Variants in RAF1 observed in about 807,000 individuals in gnomAD.
RAF1 encodes the protein Raf-1 proto-oncogene, serine/threonine kinase.
In RAF1, 27 loss-of-function variants were observed where a neutral mutation model predicts 81.1. That is an observed-to-expected ratio of 0.33 (90% CI 0.25 to 0.46). RAF1 has a LOEUF of 0.46. Among genes scored for constraint, RAF1 ranks in the 20% least tolerant of loss-of-function variants. The probability of loss-of-function intolerance (pLI) is 1.00; values close to 1 mark genes in which losing one functional copy is unlikely to be tolerated. For missense variants in RAF1, 598 were observed against 826.0 expected (o/e 0.72, Z 3.38); for synonymous variants, 298 against 294.0 (o/e 1.01, Z -0.14).
rs114919961 is a variant in RAF1, at chr3:12,637,370, C to T, written c.-26-18623G>A. 7.3e-4 allele frequency among the ~76,000 whole-genome samples: 109 copies of T among 149,828 alleles called. 1 individual carries two copies. Among genetic ancestry groups the T allele is most frequent in the African/African-American group, 2.5e-3 (100 of 40,614 alleles). On this transcript the variant is annotated intron_variant, in intron 1 of 17. Transcript: ENST00000442415. ...ACATTTTTTTTTTGAGACGGAGTTTCGCTCTTTTGCCCAGCCTCCCCAGTA... is the reference window on the plus strand; with the variant it reads ...ACATTTTTTTTTTGAGACGGAGTTTTGCTCTTTTGCCCAGCCTCCCCAGTA...
chr3:12,642,399 GT>G (rs1310386364), intron 1 of RAF1, among the ~76,000 whole-genome samples: 2 of 149,774 alleles, frequency 1.3e-5, no homozygotes, highest in Non-Finnish European at 3.0e-5. Flanking sequence ...ATCCCAGCTA[GT>G]CGGGAGGCTG....
chr3:12,598,330 A>G (rs1559417563), intron 11 of RAF1, among the ~76,000 whole-genome samples: 2 of 152,176 alleles, frequency 1.3e-5, no homozygotes, highest in Non-Finnish European at 2.9e-5. Flanking sequence ...TTTCAAAGGA[A>G]AAGGAATCAT....
intron 1 of RAF1, among the ~76,000 whole-genome samples, chr3:12,620,058 G>T (rs940051063): frequency 3.3e-5 from 5 of 152,088 alleles, no homozygotes; most frequent in African/African-American, 1.2e-4. Context: ...CTCCAGCCTG[G>T]GGGACAGAGC....
At chr3:12,650,145 CAAAAAAAAAAAAA>C (rs36098034) in intron 1 of RAF1, among the ~76,000 whole-genome samples, 25,342 of 77,938 alleles carry the variant, frequency 0.33, 2,656 homozygotes, top group African/African-American at 0.4. Context: ...GACTCCATCT[CAAAAAAAAAAAAA>C]AAAAAAAAAA....
chr3:12,588,132 T>A (rs1221841149), intron 13 of RAF1: 3 of 152,560 alleles, frequency 2.0e-5, no homozygotes, highest in African/African-American at 7.2e-5. Flanking sequence ...CAAGCATCAG[T>A]TTTACTCTAA....
chr3:12,638,009 C>T (rs1397932141), intron 1 of RAF1, among the ~76,000 whole-genome samples: 1 of 152,164 alleles, frequency 6.6e-6, no homozygotes, highest in Admixed American at 6.5e-5. Flanking sequence ...CCCCTGACCA[C>T]CCTGGTTCAA....
intron 1 of RAF1, among the ~76,000 whole-genome samples, chr3:12,662,357 A>T (rs866101399): frequency 2.1e-5 from 1 of 48,140 alleles, no homozygotes; most frequent in Non-Finnish European, 4.7e-5. Context: ...AAAAAAAAAA[A>T]AAAAAAAAAA....
intron 1 of RAF1, among the ~76,000 whole-genome samples, chr3:12,651,327 A>T (rs1440034922): frequency 2.0e-5 from 3 of 152,186 alleles, no homozygotes; most frequent in African/African-American, 7.2e-5. Context: ...TCTTTTCCCA[A>T]TAATTTTTTA....
chr3:12,586,441 A>C (rs1366158666), intron 14 of RAF1, among the ~76,000 whole-genome samples: 4 of 152,226 alleles, frequency 2.6e-5, no homozygotes. Flanking sequence ...TAAAAAACAA[A>C]ACACACACAA....
chr3:12,614,581 ACTTCTAG>A (rs1388459878), intron 2 of RAF1, among the ~76,000 whole-genome samples: 1 of 146,748 alleles, frequency 6.8e-6, no homozygotes, highest in Admixed American at 6.8e-5. Context: ...GGGCAGCACC[ACTTCTAG>A]CTAATGTTTT....
rs1227312557 is a variant in RAF1, at chr3:12,609,358, A to T, written c.321-23T>A. On this transcript the variant is annotated intron_variant, in intron 3 of 17. Transcript: ENST00000442415. ...TTACTAGAAAGGATTTAAAAAAAAC[A>T]TGAAATGTTTAAACAAGATCAAAGT... The T allele has an allele frequency of 4.6e-6, 7 of 1,509,022 alleles. No individual in the cohort carries two copies. In the Admixed American group the frequency reaches 1.2e-4, roughly 25 times the overall value. 93.5% of individuals were successfully genotyped at this position (1,509,022 alleles called of 1,614,324 possible).
intron 1 of RAF1, among the ~76,000 whole-genome samples, chr3:12,658,611 CA>C (rs1559496996): frequency 6.6e-6 from 1 of 151,820 alleles, no homozygotes; most frequent in South Asian, 2.1e-4. Context: ...TCAAAAAAAA[CA>C]AAAAAAGAAA....
At chr3:12,614,323 G>A (rs1373202298) in intron 2 of RAF1, among the ~76,000 whole-genome samples, 1 of 152,150 alleles carries the variant, frequency 6.6e-6, no homozygotes, top group Non-Finnish European at 1.5e-5. Flanking sequence ...AGGAGTGGAT[G>A]AAAACAGATT....
At chr3:12,618,118 T>C (rs148909702) in intron 2 of RAF1, among the ~76,000 whole-genome samples, 67 of 152,304 alleles carry the variant, frequency 4.4e-4, no homozygotes, top group African/African-American at 1.6e-3. Context: ...AACTTTACTT[T>C]CTTCTTTATA....
chr3:12,584,487 G>A lies in RAF1; in HGVS notation c.*27C>T, dbSNP rs2125315347. ...CCTGCTGGCTTCTCCTCCTCCCCTG[G>A]CAGCCTGAAGACAGGTGCAAAGTCA... On this transcript the variant is annotated 3_prime_UTR_variant, in exon 18 of 18. Coordinates refer to ENST00000442415, the MANE Select transcript of RAF1 (RefSeq NM_001354689.3). The A allele has an allele frequency of 1.2e-6, 2 of 1,614,054 alleles. No homozygotes were observed. Among genetic ancestry groups the A allele is most frequent in the Non-Finnish European group, 1.7e-6 (2 of 1,179,964 alleles).
intron 1 of RAF1, among the ~76,000 whole-genome samples, chr3:12,628,648 C>T (rs2059776163): frequency 6.8e-6 from 1 of 147,534 alleles, no homozygotes; most frequent in African/African-American, 2.5e-5. Flanking sequence ...ATTTTGTGAC[C>T]TTATTTATCA....
At chr3:12,616,493 C>A (rs1440747449) in intron 2 of RAF1, among the ~76,000 whole-genome samples, 1 of 152,126 alleles carries the variant, frequency 6.6e-6, no homozygotes, top group Non-Finnish European at 1.5e-5. Context: ...GCTTATTTTG[C>A]CAGCCATAAA....
chr3:12,662,322 T>C (rs1484267182), intron 1 of RAF1, among the ~76,000 whole-genome samples: 1 of 117,126 alleles, frequency 8.5e-6, no homozygotes, highest in Non-Finnish European at 1.7e-5. Context: ...GGCGACAGAG[T>C]GAGATCCTGT....
intron 2 of RAF1, among the ~76,000 whole-genome samples, chr3:12,615,135 G>T (rs1045751373): frequency 6.6e-6 from 1 of 152,140 alleles, no homozygotes; most frequent in East Asian, 1.9e-4. Context: ...ATGGAATAAA[G>T]CCCATTCATA....
Sources: gnomAD v4.1 joint callset for allele counts (sites outside exome capture counted in the v4.1 genomes callset) on GRCh38, gnomAD v4.1.1 for gene constraint, MANE v1.5 for transcripts, NCBI Gene and HGNC (gene_info 2026-07-23, HGNC 2026-07-21) for gene names.